The following SEMA5B variants were observed in gnomAD, a reference collection of about 807,000 sequenced individuals.
The protein encoded by SEMA5B is semaphorin-5B.
A neutral mutation model predicts 135.0 loss-of-function variants in SEMA5B; 66 were observed. That is an observed-to-expected ratio of 0.49 (90% CI 0.40 to 0.60). The LOEUF (loss-of-function observed/expected upper bound fraction) is 0.60. SEMA5B is among the 20% of genes least tolerant of loss of function. The pLI is 0.00. For synonymous variants in SEMA5B, 690 were observed against 639.5 expected (o/e 1.08, Z -1.19); for missense variants, 1,501 against 1,566.3 (o/e 0.96, Z 0.70).
At position 122,915,817 on chromosome 3, in the gene SEMA5B, T is replaced by G; in HGVS notation, c.1762A>C (p.Ser588Arg). Reference sequence around the variant, plus strand: ...TGGGTCCAGAGGCTCATGTTGGAGCTGTCCTCGAGTGTGCTGCAACGTTGC... The same window carrying G: ...TGGGTCCAGAGGCTCATGTTGGAGCGGTCCTCGAGTGTGCTGCAACGTTGC... ...KQQRCSTLED[S>R]SNMSLWTQNI... Residue 588 changes from serine to arginine, a missense_variant, in exon 13 of 23, where the codon AGC becomes CGC. Physicochemically the swap from Ser to Arg is moderately radical, Grantham distance 110 (BLOSUM62 -1). Transcript: ENST00000357599. The G allele has an allele frequency of 6.2e-7, 1 of 1,614,134 alleles. No individual in the cohort carries two copies. The highest frequency in any genetic ancestry group is 8.5e-7 in the Non-Finnish European group (1 of 1,180,030).
chr3:122,949,116 TTAAGGA>T (rs1939934790), intron 2 of SEMA5B, among the ~76,000 whole-genome samples: 1 of 152,216 alleles, frequency 6.6e-6, no homozygotes. Context: ...GATTTCAATG[TTAAGGA>T]TAACAATCAT....
At position 122,910,380 on chromosome 3, in the gene SEMA5B, G is replaced by A. The variant is rs1937624795; in HGVS notation, c.3298-79C>T. 4.8e-6 allele frequency: 7 copies of A among 1,468,100 alleles called. No individual in the cohort carries two copies. In the East Asian group the frequency reaches 1.4e-4, roughly 29 times the overall value. The allele number at this position is 1,468,100 out of a possible 1,614,324, so 90.9% of individuals were successfully genotyped here. ...GGAACAGGCCAGAGCAAGGAGTCCA[G>A]AAGCCAGCCGTGCAAGAACACTCAG... is the stretch of plus-strand genomic sequence containing the variant. On this transcript the variant is annotated intron_variant, in intron 22 of 22. Transcript: ENST00000357599.
chr3:122,950,799 C>T (rs766980082), intron 2 of SEMA5B, among the ~76,000 whole-genome samples: 21 of 152,192 alleles, frequency 1.4e-4, no homozygotes, highest in Non-Finnish European at 2.5e-4. Context: ...GTTCATTGTG[C>T]CATCCTTTGA....
rs1394063530 is a variant in SEMA5B, at chr3:123,017,738, T to A, written c.-39+9726A>T. ...ACCTGGCCAATATGGTGAAACCTCA[T>A]CTCTTCTAAAAATACAAAAATTAGC... On this transcript the variant is annotated intron_variant, in intron 1 of 22. Coordinates refer to ENST00000357599, the MANE Select transcript of SEMA5B (RefSeq NM_001031702.4). Among the ~76,000 whole-genome samples the A allele has an allele frequency of 2.6e-5, 4 of 152,056 alleles. No homozygotes were observed. The East Asian group carries it at 7.7e-4, about 29-fold the overall frequency.
At chr3:122,945,910 G>C (rs909296252) in intron 3 of SEMA5B, among the ~76,000 whole-genome samples, 1 of 152,120 alleles carries the variant, frequency 6.6e-6, no homozygotes, top group South Asian at 2.1e-4. Context: ...ACATGGGCAA[G>C]GGGGATGGGG....
At chr3:122,969,782 C>T (rs778831458) in intron 1 of SEMA5B, among the ~76,000 whole-genome samples, 9 of 152,174 alleles carry the variant, frequency 5.9e-5, no homozygotes, top group Non-Finnish European at 1.2e-4. Flanking sequence ...GCGGGGGTGG[C>T]AGAGAGCAGC....
intron 1 of SEMA5B, among the ~76,000 whole-genome samples, chr3:122,968,126 CT>C: frequency 6.6e-6 from 1 of 152,364 alleles, no homozygotes; most frequent in South Asian, 2.1e-4. Context: ...ATCAATTGGT[CT>C]TCATGTCACC....
rs547890843 is a variant in SEMA5B, at chr3:122,974,104, C to A, written c.-38-12803G>T. On this transcript the variant is annotated intron_variant, in intron 1 of 22. Coordinates refer to ENST00000357599, the MANE Select transcript of SEMA5B (RefSeq NM_001031702.4). The stretch of plus-strand genomic sequence containing the variant: ...AGAGAGAGCCCAGGCACACCACCCC[C>A]CATCTGCTCCCGCCATGTGACACAT... 3.7e-3 allele frequency among the ~76,000 whole-genome samples: 563 copies of A among 152,330 alleles called. 3 individuals are homozygous for A. The highest frequency in any genetic ancestry group is 6.8e-3 in the Non-Finnish European group (465 of 68,026).
chr3:122,968,582 C>T (rs922163137), intron 1 of SEMA5B, among the ~76,000 whole-genome samples: 2 of 152,156 alleles, frequency 1.3e-5, no homozygotes, highest in Non-Finnish European at 2.9e-5. Context: ...ACTGGAAATA[C>T]ATTTCTTTCC....
chr3:122,952,697 C>T (rs1940112644), intron 2 of SEMA5B, among the ~76,000 whole-genome samples: 1 of 152,204 alleles, frequency 6.6e-6, no homozygotes, highest in African/African-American at 2.4e-5. Context: ...TCTGCCTGCA[C>T]CTCCACATTT....
At position 123,001,920 on chromosome 3, in the gene SEMA5B, T is replaced by C. The variant is rs149349020; in HGVS notation, c.-39+25544A>G. On this transcript the variant is annotated intron_variant, in intron 1 of 22. Transcript: ENST00000357599. Reference sequence around the variant, plus strand: ...CAAAAGCAATGTAAAACACAATCCTTGCCCTCCAGGAGACAAGATACACAT... The same window carrying C: ...CAAAAGCAATGTAAAACACAATCCTCGCCCTCCAGGAGACAAGATACACAT... Among the ~76,000 whole-genome samples the C allele has an allele frequency of 6.5e-3, 989 of 152,318 alleles. 11 individuals carry two copies. The highest frequency in any genetic ancestry group is 0.022 in the African/African-American group (934 of 41,560).
intron 2 of SEMA5B, among the ~76,000 whole-genome samples, chr3:122,954,646 T>C (rs1940201195): frequency 6.6e-6 from 1 of 152,164 alleles, no homozygotes; most frequent in Non-Finnish European, 1.5e-5. Context: ...TCCAGAGTGG[T>C]TGGCAGATAG....
At chr3:123,020,787 T>C (rs1049766812) in intron 1 of SEMA5B, among the ~76,000 whole-genome samples, 1 of 151,984 alleles carries the variant, frequency 6.6e-6, no homozygotes, top group African/African-American at 2.4e-5. Context: ...CTGCAGGTGG[T>C]TTTTACGGAA....
chr3:122,971,737 TG>T (rs1402986021), intron 1 of SEMA5B, among the ~76,000 whole-genome samples: 4 of 152,224 alleles, frequency 2.6e-5, no homozygotes, highest in African/African-American at 4.8e-5. Flanking sequence ...CAAGGCTTTC[TG>T]GAAGGCAGGT....
intron 1 of SEMA5B, among the ~76,000 whole-genome samples, chr3:122,980,972 C>T (rs147202403): frequency 1.0e-3 from 158 of 152,352 alleles, no homozygotes; most frequent in African/African-American, 3.6e-3. Context: ...GGTTTATCCA[C>T]GTTGTAGCAT....
chr3:122,923,832 A>T (rs375395311), intron 9 of SEMA5B, 80 bp from the exon 10 acceptor site: 3 of 1,520,232 alleles, frequency 2.0e-6, no homozygotes, highest in African/African-American at 1.4e-5. Flanking sequence ...GCCAGCTGTC[A>T]TGTCCAATTC....
chr3:123,002,468 A>G (rs1455345278), intron 1 of SEMA5B, among the ~76,000 whole-genome samples: 1 of 152,262 alleles, frequency 6.6e-6, no homozygotes, highest in Non-Finnish European at 1.5e-5. Context: ...CAAGAGCAGC[A>G]GACGGATGCA....
intron 12 of SEMA5B, among the ~76,000 whole-genome samples, chr3:122,920,722 C>T (rs1938304117): frequency 1.3e-5 from 2 of 152,132 alleles, no homozygotes; most frequent in South Asian, 4.2e-4. Context: ...TGAGATGGAG[C>T]CCCAGGTGTG....
intron 1 of SEMA5B, among the ~76,000 whole-genome samples, chr3:122,974,852 T>C (rs1015452918): frequency 1.3e-5 from 2 of 152,212 alleles, no homozygotes; most frequent in Non-Finnish European, 2.9e-5. Context: ...AGCTCAGTTA[T>C]AATAAGAATA....
Sources: gnomAD v4.1 joint callset for allele counts (sites outside exome capture counted in the v4.1 genomes callset) on GRCh38, gnomAD v4.1.1 for gene constraint, MANE v1.5 for transcripts, NCBI Gene and HGNC (gene_info 2026-07-23, HGNC 2026-07-21) for gene names.